Variants in UBE2D2 observed in about 807,000 individuals in gnomAD.
UBE2D2 encodes the protein ubiquitin conjugating enzyme E2 D2, also known as ubiquitin-conjugating enzyme E2 D2.
In UBE2D2, 2 loss-of-function variants were observed where a neutral mutation model predicts 24.2. The ratio of observed to expected loss-of-function variants is 0.08; its 90% CI spans 0.03 to 0.26. The LOEUF is 0.26. Among genes scored for constraint, UBE2D2 ranks in the 10% least tolerant of loss-of-function variants. UBE2D2 has a pLI of 1.00. For synonymous variants in UBE2D2, 58 were observed against 56.5 expected, an observed-to-expected ratio of 1.03 and a Z score of -0.12; for missense variants, 44 against 177.6, an observed-to-expected ratio of 0.25 and a Z score of 4.28.
At chr5:139,531,987 T>A (rs1176906444) in intron 1 of UBE2D2, among the ~76,000 whole-genome samples, 1 of 151,530 alleles carries the variant, frequency 6.6e-6, no homozygotes, top group African/African-American at 2.4e-5. Flanking sequence ...ATCCTGGTTG[T>A]GTTTTTTTTT....
At chr5:139,568,965 G>A (rs868571993) in intron 1 of UBE2D2, among the ~76,000 whole-genome samples, 2 of 151,640 alleles carry the variant, frequency 1.3e-5, no homozygotes, top group Non-Finnish European at 2.9e-5. Context: ...GCAAGACTCC[G>A]TCTCAAAAAA....
chr5:139,545,138 C>T (rs1172083135), intron 1 of UBE2D2, among the ~76,000 whole-genome samples: 2 of 151,682 alleles, frequency 1.3e-5, no homozygotes, highest in Non-Finnish European at 3.0e-5. Flanking sequence ...AGATCTAACT[C>T]GATCTAACTC....
At chr5:139,537,170 G>A (rs1178292391) in intron 1 of UBE2D2, among the ~76,000 whole-genome samples, 33 of 147,694 alleles carry the variant, frequency 2.2e-4, no homozygotes, top group South Asian at 6.5e-4. Context: ...GAGACAGAGC[G>A]AGACTCTGTC....
At chr5:139,625,433 C>G (rs925480262) in intron 6 of UBE2D2, among the ~76,000 whole-genome samples, 1 of 30,018 alleles carries the variant, frequency 3.3e-5, no homozygotes, top group South Asian at 2.1e-3. Flanking sequence ...CACCCCCACC[C>G]CCCCCCCTTT....
chr5:139,534,971 T>A (rs1052495583), intron 1 of UBE2D2, among the ~76,000 whole-genome samples: 2 of 151,364 alleles, frequency 1.3e-5, no homozygotes. Flanking sequence ...AAACCTTGTC[T>A]CTGCTAAAAA....
In UBE2D2 at chr5:139,561,801, A is replaced by G; in HGVS notation, c.10A>G (p.Lys4Glu). 6.7e-7 allele frequency: 1 copy of G among 1,499,824 alleles called. No individual in the cohort carries two copies. Among genetic ancestry groups the G allele is most frequent in the Non-Finnish European group, 8.8e-7 (1 of 1,130,978 alleles). 92.9% of individuals were successfully genotyped at this position (1,499,824 alleles called of 1,614,324 possible). Residue 4 changes from lysine (K) to glutamate (E), a missense_variant, in exon 1 of 7, where the codon AAG becomes GAG. Coordinates refer to ENST00000398733, the MANE Select transcript of UBE2D2 (RefSeq NM_003339.3). ...CCACCCGCCTCCCACCATGGCTCTG[A>G]AGAGAATCCACAAGGTAAGCGGCCG... Reference protein sequence around the residue: MALKRIHKELNDLA... With the variant: MALERIHKELNDLA...
At chr5:139,619,576 G>T (rs1012313299) in intron 5 of UBE2D2, among the ~76,000 whole-genome samples, 2 of 152,050 alleles carry the variant, frequency 1.3e-5, no homozygotes, top group Non-Finnish European at 2.9e-5. Context: ...ATAAAGAAAA[G>T]GGTTTTGCCA....
intron 1 of UBE2D2, among the ~76,000 whole-genome samples, chr5:139,564,532 C>A (rs1407165985): frequency 6.6e-6 from 1 of 151,876 alleles, no homozygotes; most frequent in Non-Finnish European, 1.5e-5. Context: ...TGGCTCACTG[C>A]AACTTCCGCT....
intron 2 of UBE2D2, among the ~76,000 whole-genome samples, chr5:139,604,140 C>CTT (rs558742235): frequency 1.2e-4 from 17 of 140,350 alleles, no homozygotes; most frequent in South Asian, 2.3e-4. Context: ...ATTTTTAAAA[C>CTT]TTTTTTTTTT....
chr5:139,620,453 A>G (rs1212672050), intron 5 of UBE2D2, among the ~76,000 whole-genome samples: 1 of 152,170 alleles, frequency 6.6e-6, no homozygotes, highest in African/African-American at 2.4e-5. Flanking sequence ...GAAATACATG[A>G]AGTCTTTCCT....
chr5:139,546,880 T>C (rs1387137668), intron 1 of UBE2D2, among the ~76,000 whole-genome samples: 1 of 151,396 alleles, frequency 6.6e-6, no homozygotes. Context: ...CTTTCTTTCC[T>C]TCTTTCTTTC....
intron 1 of UBE2D2, among the ~76,000 whole-genome samples, chr5:139,591,126 C>T (rs1260100804): frequency 6.0e-5 from 8 of 133,158 alleles, no homozygotes; most frequent in African/African-American, 1.9e-4. Context: ...TTCTCTCTCT[C>T]TTTTTTTTTT....
chr5:139,582,917 G>C (rs998749940), intron 1 of UBE2D2, among the ~76,000 whole-genome samples: 2 of 150,528 alleles, frequency 1.3e-5, no homozygotes, highest in African/African-American at 4.9e-5. Context: ...TGATCTGCCC[G>C]CCTCGGCCTC....
chr5:139,624,788 G>A (rs950979267), intron 6 of UBE2D2, among the ~76,000 whole-genome samples: 4 of 152,202 alleles, frequency 2.6e-5, no homozygotes, highest in Non-Finnish European at 5.9e-5. Flanking sequence ...TCTCCAACTT[G>A]AGTTCTAGTG....
chr5:139,581,821 A>G (rs554326400), intron 1 of UBE2D2, among the ~76,000 whole-genome samples: 1 of 151,968 alleles, frequency 6.6e-6, no homozygotes, highest in East Asian at 1.9e-4. Flanking sequence ...GGCGCGCGCC[A>G]CCATGCCTGG....
intron 1 of UBE2D2, among the ~76,000 whole-genome samples, chr5:139,567,187 C>T (rs936749126): frequency 2.0e-5 from 3 of 151,942 alleles, no homozygotes; most frequent in Non-Finnish European, 4.4e-5. Context: ...GCAACCTCCG[C>T]CTCCCAGGTT....
chr5:139,589,176 T>C (rs1182225242), intron 1 of UBE2D2, among the ~76,000 whole-genome samples: 1 of 152,078 alleles, frequency 6.6e-6, no homozygotes, highest in Non-Finnish European at 1.5e-5. Context: ...GTAGAATTAC[T>C]TGAGCCCAGG....
chr5:139,588,443 T>A (rs1753780405), intron 1 of UBE2D2, among the ~76,000 whole-genome samples: 1 of 152,140 alleles, frequency 6.6e-6, no homozygotes, highest in Non-Finnish European at 1.5e-5. Context: ...ATCTGGCTAA[T>A]TTTTGTATTG....
intron 6 of UBE2D2, chr5:139,623,715 A>C: frequency 3.3e-6 from 1 of 307,296 alleles, no homozygotes; most frequent in South Asian, 6.1e-5. Flanking sequence ...TTTTTGAGAC[A>C]GGGTCTTACT....
Sources: gnomAD v4.1 joint callset for allele counts (sites outside exome capture counted in the v4.1 genomes callset) on GRCh38, gnomAD v4.1.1 for gene constraint, MANE v1.5 for transcripts, NCBI Gene and HGNC (gene_info 2026-07-23, HGNC 2026-07-21) for gene names.